The following PTPRN2 variants were observed in gnomAD, a reference collection of about 807,000 sequenced individuals.
The protein encoded by PTPRN2 is receptor-type tyrosine-protein phosphatase N2.
PTPRN2 carries 74 observed loss-of-function variants against 118.8 expected under a neutral mutation model. That is an observed-to-expected ratio of 0.62 (90% CI 0.52 to 0.76). The LOEUF is 0.76. PTPRN2 is among the 30% of genes least tolerant of loss of function. The pLI is 0.00. For missense variants in PTPRN2, 1,481 were observed against 1,394.4 expected, an observed-to-expected ratio of 1.06 and a Z score of -0.99; for synonymous variants, 641 against 608.0, an observed-to-expected ratio of 1.05 and a Z score of -0.80.
intron 17 of PTPRN2, among the ~76,000 whole-genome samples, chr7:157,594,114 C>A (rs902903198): frequency 1.3e-5 from 2 of 152,208 alleles, no homozygotes; most frequent in Admixed American, 6.5e-5. Context: ...CAAATGCTCA[C>A]CATGCAAGGG....
At chr7:158,072,322 C>T (rs1040887739) in intron 11 of PTPRN2, among the ~76,000 whole-genome samples, 6 of 152,142 alleles carry the variant, frequency 3.9e-5, no homozygotes, top group Non-Finnish European at 1.5e-5. Flanking sequence ...CCAGGGGACT[C>T]AGATGCCAGC....
intron 19 of PTPRN2, among the ~76,000 whole-genome samples, chr7:157,573,576 C>G (rs1345087314): frequency 6.6e-6 from 1 of 152,236 alleles, no homozygotes; most frequent in Non-Finnish European, 1.5e-5. Context: ...ACCAGATACC[C>G]TTTAAGAAAG....
chr7:158,048,536 A>T (rs1809043848), intron 11 of PTPRN2, among the ~76,000 whole-genome samples: 1 of 152,032 alleles, frequency 6.6e-6, no homozygotes, highest in Admixed American at 6.6e-5. Flanking sequence ...TCATAATCAT[A>T]TCATCCCACC....
chr7:158,161,037 G>A (rs1343731434), intron 6 of PTPRN2, among the ~76,000 whole-genome samples: 2 of 152,122 alleles, frequency 1.3e-5, no homozygotes, highest in Non-Finnish European at 2.9e-5. Flanking sequence ...GGACCTTAGG[G>A]ATTTTGATAT....
intron 2 of PTPRN2, among the ~76,000 whole-genome samples, chr7:158,475,882 G>C (rs1820217875): frequency 6.6e-6 from 1 of 152,194 alleles, no homozygotes; most frequent in Non-Finnish European, 1.5e-5. Context: ...TCATTGTGCA[G>C]AAACACAAAA....
rs139203529 is a variant in PTPRN2, at chr7:157,564,562, T to G, written c.2902+4340A>C. 2.1e-3 allele frequency among the ~76,000 whole-genome samples: 317 copies of G among 152,308 alleles called. 1 individual carries two copies. Among genetic ancestry groups the G allele is most frequent in the African/African-American group, 7.2e-3 (299 of 41,568 alleles). ...ATAAGGGAGTAGTATTCAGAATATA[T>G]AAAGAACTCTTAGAATTCAACAACA... is the stretch of plus-strand genomic sequence containing the variant. On this transcript the variant is annotated intron_variant, in intron 21 of 22. Transcript: ENST00000389418.
intron 20 of PTPRN2, 94 bp from the exon 21 acceptor site, chr7:157,569,060 C>CGGGGGCCGGCGAGAGGAAA (rs1554494060): frequency 2.4e-5 from 29 of 1,201,976 alleles, no homozygotes; most frequent in Middle Eastern, 1.9e-4. Context: ...TTCCTGCTTA[C>CGGGGGCCGGCGAGAGGAAA]GGGGGCCGGC....
chr7:158,254,714 G>A (rs193235098), intron 3 of PTPRN2, among the ~76,000 whole-genome samples: 18 of 152,312 alleles, frequency 1.2e-4, no homozygotes, highest in African/African-American at 3.6e-4. Context: ...AGCCACCGCT[G>A]CACACAGCAG....
At chr7:157,805,885 C>T (rs1369535556) in intron 12 of PTPRN2, among the ~76,000 whole-genome samples, 1 of 152,152 alleles carries the variant, frequency 6.6e-6, no homozygotes, top group Non-Finnish European at 1.5e-5. Context: ...TGGGGCCAGC[C>T]CTGTCCTGTT....
chr7:158,290,145 G>A (rs945117045), intron 3 of PTPRN2, among the ~76,000 whole-genome samples: 1 of 152,104 alleles, frequency 6.6e-6, no homozygotes, highest in South Asian at 2.1e-4. Flanking sequence ...GGGTTGGCCT[G>A]GAGCCTAAGT....
chr7:158,027,633 T>C (rs920635138), intron 11 of PTPRN2: 7 of 152,232 alleles, frequency 4.6e-5, no homozygotes, highest in Admixed American at 2.6e-4. Flanking sequence ...ATTTTCACAG[T>C]TGTGATTCAA....
At chr7:158,478,608 A>G (rs1207523634) in intron 2 of PTPRN2, among the ~76,000 whole-genome samples, 1 of 152,186 alleles carries the variant, frequency 6.6e-6, no homozygotes, top group Non-Finnish European at 1.5e-5. Flanking sequence ...ACCCACATGG[A>G]GAAGGACCAC....
intron 11 of PTPRN2, among the ~76,000 whole-genome samples, chr7:158,080,314 C>CAAAAAAAAAAAA (rs556546951): frequency 1.4e-5 from 1 of 72,226 alleles, no homozygotes; most frequent in Non-Finnish European, 2.5e-5. Flanking sequence ...CAAATTTAAG[C>CAAAAAAAAAAAA]AAAAAAAAAA....
intron 13 of PTPRN2, among the ~76,000 whole-genome samples, chr7:157,659,788 A>ATGGG (rs1185307773): frequency 1.3e-5 from 2 of 152,230 alleles, no homozygotes; most frequent in East Asian, 3.9e-4. Context: ...TCTGTCTCCC[A>ATGGG]GGCTGGAGTG....
At chr7:158,169,138 T>C (rs550691975) in intron 5 of PTPRN2, among the ~76,000 whole-genome samples, 1 of 152,214 alleles carries the variant, frequency 6.6e-6, no homozygotes, top group African/African-American at 2.4e-5. Context: ...GTCCAGCTCC[T>C]GAGTCTGGCT....
At chr7:158,254,876 C>G (rs1323950559) in intron 3 of PTPRN2, among the ~76,000 whole-genome samples, 2 of 152,242 alleles carry the variant, frequency 1.3e-5, no homozygotes, top group African/African-American at 2.4e-5. Flanking sequence ...TTAGACATGT[C>G]TACTTTCTAT....
At chr7:158,098,321 A>G (rs1263222737) in intron 10 of PTPRN2, among the ~76,000 whole-genome samples, 5 of 152,106 alleles carry the variant, frequency 3.3e-5, no homozygotes, top group Non-Finnish European at 5.9e-5. Context: ...CTCCCTGGGG[A>G]GGAGGTGGAG....
At chr7:157,668,153 C>A (rs911761404) in intron 13 of PTPRN2, among the ~76,000 whole-genome samples, 1 of 152,260 alleles carries the variant, frequency 6.6e-6, no homozygotes, top group African/African-American at 2.4e-5. Context: ...GGCGTGTCCG[C>A]AGAGTCCTCA....
At chr7:158,390,801 A>G (rs77929466) in intron 2 of PTPRN2, among the ~76,000 whole-genome samples, 4,062 of 152,274 alleles carry the variant, frequency 0.027, 183 homozygotes, top group African/African-American at 0.093. Flanking sequence ...CCACTCTACA[A>G]ATGTCCTCTC....
Sources: allele counts gnomAD v4.1 joint callset (sites outside exome capture counted in the v4.1 genomes callset), GRCh38; gene constraint gnomAD v4.1.1; transcripts MANE v1.5; gene names NCBI Gene and HGNC (gene_info 2026-07-23, HGNC 2026-07-21).